Variants in CAMK2B observed in about 807,000 individuals in gnomAD.
CAMK2B encodes calcium/calmodulin dependent protein kinase II beta, also known as calcium/calmodulin-dependent protein kinase type II subunit beta.
CAMK2B carries 27 observed loss-of-function variants against 93.7 expected under a neutral mutation model. That is an observed-to-expected ratio of 0.29 (90% CI 0.21 to 0.40). CAMK2B has a LOEUF of 0.40. Ranked by LOEUF, CAMK2B falls within the 10% of genes least tolerant of loss-of-function variation. CAMK2B has a pLI of 1.00. For missense variants in CAMK2B, 568 were observed against 895.8 expected, an observed-to-expected ratio of 0.63 and a Z score of 4.67; for synonymous variants, 374 against 358.8, an observed-to-expected ratio of 1.04 and a Z score of -0.48.
At chr7:44,253,794 C>T (rs2096803915) in intron 5 of CAMK2B, among the ~76,000 whole-genome samples, 1 of 151,866 alleles carries the variant, frequency 6.6e-6, no homozygotes, top group Non-Finnish European at 1.5e-5. Context: ...GAGGGGGTCT[C>T]ATTATATTGC....
chr7:44,272,370 C>A (rs930899579), intron 2 of CAMK2B, among the ~76,000 whole-genome samples: 6 of 152,174 alleles, frequency 3.9e-5, no homozygotes, highest in African/African-American at 1.4e-4. Flanking sequence ...GCACCCAGCA[C>A]CTCTTGGGGT....
At chr7:44,254,185 G>T (rs997462363) in intron 5 of CAMK2B, among the ~76,000 whole-genome samples, 16 of 152,166 alleles carry the variant, frequency 1.1e-4, no homozygotes, top group African/African-American at 3.9e-4. Flanking sequence ...GAGACCATCT[G>T]TCCCTCTTCA....
At chr7:44,234,364 G>A (rs1417651915) in intron 15 of CAMK2B, 26 bp downstream of exon 15, 2 of 1,490,708 alleles carry the variant, frequency 1.3e-6, no homozygotes. Context: ...GAGGGGCTGA[G>A]AGGCAGAATT....
Position 44,308,107 on chromosome 7 carries a change from C to T in CAMK2B, c.65+17250G>A, listed in dbSNP as rs572851766. On this transcript the variant is annotated intron_variant, in intron 1 of 23. Coordinates refer to ENST00000395749, the MANE Select transcript of CAMK2B (RefSeq NM_001220.5). ...AGGGCCTGCTGTGGCCTCACCCACA[C>T]GGGATGTGCCCAGGAGGCATGGGGC... 9.2e-5 allele frequency among the ~76,000 whole-genome samples: 14 copies of T among 152,324 alleles called. 1 individual carries two copies. The South Asian group carries it at 2.3e-3, about 25-fold the overall frequency.
At chr7:44,261,937 G>A (rs1280371834) in intron 3 of CAMK2B, among the ~76,000 whole-genome samples, 1 of 152,230 alleles carries the variant, frequency 6.6e-6, no homozygotes, top group Admixed American at 6.5e-5. Flanking sequence ...CTAAGCTGCA[G>A]TAGCAGGCCC....
intron 8 of CAMK2B, 98 bp from the exon 9 acceptor site, chr7:44,242,752 G>A: frequency 1.2e-6 from 1 of 849,498 alleles, no homozygotes; most frequent in South Asian, 1.5e-5. Context: ...CTGTGGCCCT[G>A]GGAGGGCATT....
chr7:44,323,119 A>T (rs1440394038), intron 1 of CAMK2B, among the ~76,000 whole-genome samples: 1 of 152,142 alleles, frequency 6.6e-6, no homozygotes, highest in Non-Finnish European at 1.5e-5. Context: ...CCCCCGAGGA[A>T]TCGGTCCCTT....
chr7:44,240,144 C>T (rs988948283), intron 12 of CAMK2B, among the ~76,000 whole-genome samples: 1 of 19,642 alleles, frequency 5.1e-5, no homozygotes, highest in Non-Finnish European at 9.0e-5. Flanking sequence ...CACTCCGGGG[C>T]TAACATCATG....
intron 5 of CAMK2B, among the ~76,000 whole-genome samples, chr7:44,253,513 T>C (rs941004408): frequency 2.6e-5 from 4 of 152,220 alleles, no homozygotes; most frequent in African/African-American, 9.6e-5. Context: ...ACGCACGGCC[T>C]AAAAAGAGTT....
At chr7:44,236,628 G>A (rs1049592621) in intron 13 of CAMK2B, among the ~76,000 whole-genome samples, 6 of 152,164 alleles carry the variant, frequency 3.9e-5, no homozygotes, top group Non-Finnish European at 8.8e-5. Flanking sequence ...GCTTCCCTGT[G>A]GCTCAAATCT....
At position 44,264,465 on chromosome 7, in the gene CAMK2B, C is replaced by G. The variant is rs141294191; in HGVS notation, c.161-1401G>C. Among the ~76,000 whole-genome samples, 3 of 152,192 alleles carry G rather than the reference C, an allele frequency of 2.0e-5. 1 individual carries two copies. The highest frequency in any genetic ancestry group is 2.9e-5 in the Non-Finnish European group (2 of 68,032). ...GGGAGCGGCATCCCCTGGCTCCCCC[C>G]TCCCAGGACAGGCATTCGTCTCCCT... On this transcript the variant is annotated intron_variant, in intron 2 of 23. Transcript: ENST00000395749.
At chr7:44,229,530 T>G (rs1034117496) in intron 17 of CAMK2B, 29 bp from the exon 18 acceptor site, 5 of 1,107,310 alleles carry the variant, frequency 4.5e-6, no homozygotes, top group South Asian at 2.3e-5. Context: ...GGCAGGCAGG[T>G]GGGTGGTGCG....
intron 6 of CAMK2B, among the ~76,000 whole-genome samples, chr7:44,245,404 G>T (rs903544762): frequency 2.0e-5 from 3 of 152,212 alleles, no homozygotes; most frequent in Non-Finnish European, 2.9e-5. Context: ...AGGACATCCT[G>T]TCCCCCTCAA....
chr7:44,227,961 A>C (rs2096535443), intron 19 of CAMK2B, among the ~76,000 whole-genome samples: 1 of 68,678 alleles, frequency 1.5e-5, no homozygotes, highest in African/African-American at 5.9e-5. Context: ...GGGGGGACGG[A>C]GGGAGACAGG....
chr7:44,321,018 A>C (rs1045467789), intron 1 of CAMK2B, among the ~76,000 whole-genome samples: 1 of 152,206 alleles, frequency 6.6e-6, no homozygotes, highest in Admixed American at 6.5e-5. Flanking sequence ...CCTGCTGAGC[A>C]GCCCAAGGGA....
intron 1 of CAMK2B, among the ~76,000 whole-genome samples, chr7:44,315,134 T>C (rs184017104): frequency 7.9e-5 from 12 of 152,364 alleles, no homozygotes; most frequent in Admixed American, 6.5e-4. Flanking sequence ...TGTGGTGTCA[T>C]ATCTAAAAAA....
intron 9 of CAMK2B, 30 bp downstream of exon 9, chr7:44,242,530 A>C: frequency 6.4e-7 from 1 of 1,569,330 alleles, no homozygotes; most frequent in South Asian, 1.1e-5. Flanking sequence ...GGAGGAAGGG[A>C]GCTCATCAGA....
In CAMK2B at chr7:44,254,561, A is replaced by G; in HGVS notation, c.322T>C (p.Tyr108His). 1 of 1,612,500 alleles carries G rather than the reference A, an allele frequency of 6.2e-7. No individual in the cohort carries two copies. Among genetic ancestry groups the G allele is most frequent in the Non-Finnish European group, 8.5e-7 (1 of 1,179,164 alleles). The change falls in exon 5 of 24, where the codon TAC (tyrosine) becomes CAC (histidine). Residue 108 changes from tyrosine to histidine, a missense_variant. This residue lies in a region of CAMK2B where 105 missense variants were observed against 372.4 expected (regional missense o/e 0.28). Transcript: ENST00000395749. ...LFEDIVAREY[Y>H]SEADASHCIQ... ...ACCCACCTGGCATCAGCCTCGCTGT[A>G]GTACTCTCTCGCCACAATGTCTTCA...
chr7:44,282,211 G>A (rs981057707), intron 2 of CAMK2B, among the ~76,000 whole-genome samples: 1 of 152,158 alleles, frequency 6.6e-6, no homozygotes, highest in African/African-American at 2.4e-5. Context: ...ACTGAGCACC[G>A]CCCACTTATG....
Sources: allele counts gnomAD v4.1 joint callset (sites outside exome capture counted in the v4.1 genomes callset), GRCh38; gene constraint gnomAD v4.1.1; regional missense constraint gnomAD v4.1.1; transcripts MANE v1.5; gene names NCBI Gene and HGNC (gene_info 2026-07-23, HGNC 2026-07-21).